Variants in ZNF710 observed in about 807,000 individuals in gnomAD.
ZNF710 encodes the protein zinc finger protein 710.
A neutral mutation model predicts 50.6 loss-of-function variants in ZNF710; 13 were observed. That is an observed-to-expected ratio of 0.26 (90% CI 0.17 to 0.41). The LOEUF is 0.41. ZNF710 is among the 10% of genes least tolerant of loss of function. The pLI, the probability that ZNF710 is intolerant of heterozygous loss-of-function variation, is 1.00. For missense variants in ZNF710, 721 were observed against 936.6 expected (o/e 0.77, Z 3.01); for synonymous variants, 383 against 397.0 (o/e 0.96, Z 0.42).
chr15:90,071,386 A>AC (rs1484502538), intron 2 of ZNF710, among the ~76,000 whole-genome samples: 1 of 152,162 alleles, frequency 6.6e-6, no homozygotes, highest in Non-Finnish European at 1.5e-5. Flanking sequence ...TACAATGTGC[A>AC]CATCATGTGT....
At chr15:90,069,087 G>T (rs1900288040) in intron 2 of ZNF710, among the ~76,000 whole-genome samples, 1 of 152,074 alleles carries the variant, frequency 6.6e-6, no homozygotes, top group South Asian at 2.1e-4. Context: ...AATTAGCTGG[G>T]TGTGGTGGTG....
At chr15:90,041,892 A>ATTTT (rs71151548) in intron 1 of ZNF710, among the ~76,000 whole-genome samples, 13 of 110,596 alleles carry the variant, frequency 1.2e-4, no homozygotes, top group Non-Finnish European at 1.9e-4. Flanking sequence ...TTTGTTTTTG[A>ATTTT]TTTTTTTTTT....
intron 1 of ZNF710, among the ~76,000 whole-genome samples, chr15:90,045,182 C>T (rs781436471): frequency 2.6e-5 from 4 of 152,134 alleles, no homozygotes; most frequent in South Asian, 4.1e-4. Flanking sequence ...TGCTGGAGGG[C>T]GGAGACTGTT....
At chr15:90,073,351 C>A (rs992669443) in intron 3 of ZNF710, 89 bp downstream of exon 3, 1 of 1,481,280 alleles carries the variant, frequency 6.8e-7, no homozygotes, top group African/African-American at 1.4e-5. Flanking sequence ...CACCAAGCGC[C>A]AGCCTGGCCA....
intron 1 of ZNF710, among the ~76,000 whole-genome samples, chr15:90,047,079 C>T (rs1221103234): frequency 2.0e-5 from 3 of 152,336 alleles, no homozygotes; most frequent in South Asian, 4.1e-4. Context: ...CCACGCACAG[C>T]CACGCTGGCC....
chr15:90,063,760 G>A (rs1481037402), intron 1 of ZNF710, among the ~76,000 whole-genome samples: 3 of 152,146 alleles, frequency 2.0e-5, no homozygotes, highest in Admixed American at 2.0e-4. Context: ...GCTGGCTGAC[G>A]TTTTTGCCCT....
chr15:90,037,881 A>G (rs1291047461), intron 1 of ZNF710, among the ~76,000 whole-genome samples: 2 of 152,194 alleles, frequency 1.3e-5, no homozygotes, highest in African/African-American at 4.8e-5. Context: ...CAGAGCTGTA[A>G]GAGACAGGCT....
At chr15:90,027,845 C>T (rs927376545) in intron 1 of ZNF710, among the ~76,000 whole-genome samples, 1 of 72,990 alleles carries the variant, frequency 1.4e-5, no homozygotes, top group Non-Finnish European at 2.8e-5. Flanking sequence ...GACACTGTCT[C>T]GAAAAAAAAA....
intron 1 of ZNF710, among the ~76,000 whole-genome samples, chr15:90,036,285 A>G (rs969182156): frequency 1.7e-5 from 2 of 117,788 alleles, no homozygotes; most frequent in Non-Finnish European, 3.2e-5. Context: ...CCTTGCTTTT[A>G]TCTGGGGGAA....
intron 1 of ZNF710, among the ~76,000 whole-genome samples, chr15:90,014,584 C>G (rs1288419604): frequency 6.8e-6 from 1 of 146,278 alleles, no homozygotes. Flanking sequence ...ATCTAAAAAA[C>G]GAACACATTA....
At chr15:90,005,197 A>G (rs919525640) in intron 1 of ZNF710, among the ~76,000 whole-genome samples, 4 of 152,150 alleles carry the variant, frequency 2.6e-5, no homozygotes, top group African/African-American at 9.7e-5. Context: ...GGTCTGATCT[A>G]TAGTGGGCCC....
In ZNF710 at chr15:90,080,752, T is replaced by C. The variant is rs981172827; in HGVS notation, c.*923T>C. On this transcript the variant is annotated 3_prime_UTR_variant, in exon 5 of 5. Coordinates refer to ENST00000268154, the MANE Select transcript of ZNF710 (RefSeq NM_198526.4). Reference sequence around the variant, plus strand: ...CTCAGTGTCCACCTTGCGACGGGGATAGCCACGAGTCAGCAGCTTCCCGGA... The same window carrying C: ...CTCAGTGTCCACCTTGCGACGGGGACAGCCACGAGTCAGCAGCTTCCCGGA... The C allele has an allele frequency of 5.3e-5, 8 of 152,196 alleles. No homozygotes were observed. The highest frequency in any genetic ancestry group is 7.3e-5 in the Non-Finnish European group (5 of 68,052). 9.4% of individuals were successfully genotyped at this position (152,196 alleles called of 1,614,324 possible).
intron 2 of ZNF710, among the ~76,000 whole-genome samples, chr15:90,071,314 G>GC (rs1330555294): frequency 6.8e-6 from 1 of 146,574 alleles, no homozygotes; most frequent in Non-Finnish European, 1.5e-5. Context: ...GTGAAGAAAA[G>GC]CTGAAAGCAA....
At chr15:90,006,022 C>T (rs1353118402) in intron 1 of ZNF710, among the ~76,000 whole-genome samples, 1 of 151,948 alleles carries the variant, frequency 6.6e-6, no homozygotes, top group Non-Finnish European at 1.5e-5. Flanking sequence ...AAGAGTTGGG[C>T]GTTCAGCACT....
chr15:90,052,733 C>T (rs533074708), intron 1 of ZNF710, among the ~76,000 whole-genome samples: 10 of 152,290 alleles, frequency 6.6e-5, no homozygotes, highest in Non-Finnish European at 8.8e-5. Flanking sequence ...GAGTTCGAGA[C>T]CAGCCTGGCC....
intron 1 of ZNF710, among the ~76,000 whole-genome samples, chr15:90,022,001 G>A (rs1052583048): frequency 1.3e-5 from 2 of 152,176 alleles, no homozygotes; most frequent in Non-Finnish European, 2.9e-5. Context: ...AGAATCGCTT[G>A]AACCAGGGAG....
rs781140666 is a variant in ZNF710 at position 90,052,762 on chromosome 15, T to C, written c.-28-14348T>C. ...CCTGGCCAACATGGTGAAACCCCAT[T>C]TCTACTAAAAATACAAAAAAACTAG... On this transcript the variant is annotated intron_variant, in intron 1 of 4. Transcript: ENST00000268154. 5.8e-4 allele frequency among the ~76,000 whole-genome samples: 88 copies of C among 152,154 alleles called. 2 individuals are homozygous for C. The highest frequency in any genetic ancestry group is 3.1e-4 in the Non-Finnish European group (21 of 67,996).
chr15:90,040,026 A>T lies in ZNF710; in HGVS notation c.-28-27084A>T, dbSNP rs1398092365. 6.6e-6 allele frequency among the ~76,000 whole-genome samples: 1 copy of T among 152,168 alleles called. No individual in the cohort carries two copies. The highest frequency in any genetic ancestry group is 2.4e-5 in the African/African-American group (1 of 41,440). ...TCTGGACAAGTGTAATCTTGCTATC[A>T]CATATTAGGAAAGACCATAATGTAC... On this transcript the variant is annotated intron_variant, in intron 1 of 4. Coordinates refer to ENST00000268154, the MANE Select transcript of ZNF710 (RefSeq NM_198526.4). This position sits in a 1 kb window ranked among gnomAD's most constrained non-coding sequence, Gnocchi z 4.6.
At position 90,068,308 on chromosome 15, in the gene ZNF710, C is replaced by T; in HGVS notation, c.1171C>T (p.Pro391Ser). 1 of 1,613,048 alleles carries T rather than the reference C, an allele frequency of 6.2e-7. No individual in the cohort carries two copies. The highest frequency in any genetic ancestry group is 1.1e-5 in the South Asian group (1 of 91,086). Residue 391 changes from proline (P) to serine (S), a missense_variant, in exon 2 of 5, where the codon CCC (proline) becomes TCC (serine). Physicochemically the swap from Pro to Ser is moderately conservative, Grantham distance 74. Coordinates refer to ENST00000268154, the MANE Select transcript of ZNF710 (RefSeq NM_198526.4). The surrounding 1 kb of genome is among the most constrained non-coding windows in gnomAD (Gnocchi z 5.0). ...CHFCGRGFAY[P>S]SELKAHEVKH... ...CTTCTGCGGCCGCGGCTTCGCCTAC[C>T]CCAGCGAGCTCAAGGCCCACGAAGT...
Sources: allele counts gnomAD v4.1 joint callset (sites outside exome capture counted in the v4.1 genomes callset), GRCh38; gene constraint gnomAD v4.1.1; non-coding constraint Gnocchi (gnomAD v3.1); transcripts MANE v1.5; gene names NCBI Gene and HGNC (gene_info 2026-07-23, HGNC 2026-07-21).